Variants in CATSPERE observed in about 807,000 individuals in gnomAD.
CATSPERE encodes the protein cation channel sperm-associated auxiliary subunit epsilon.
A neutral mutation model predicts 114.1 loss-of-function variants in CATSPERE; 93 were observed. That is an observed-to-expected ratio of 0.81 (90% confidence interval 0.69 to 0.97). The LOEUF (loss-of-function observed/expected upper bound fraction) is 0.97. Among genes scored for constraint, CATSPERE ranks in the 50% least tolerant of loss-of-function variants. The pLI, the probability that CATSPERE is intolerant of heterozygous loss-of-function variation, is 0.00. For missense variants in CATSPERE, 1,058 were observed against 1,131.6 expected, an observed-to-expected ratio of 0.93 and a Z score of 0.93; for synonymous variants, 341 against 384.1, an observed-to-expected ratio of 0.89 and a Z score of 1.31.
At chr1:244,464,734 C>T (rs1268625742) in intron 2 of CATSPERE, among the ~76,000 whole-genome samples, 1 of 151,692 alleles carries the variant, frequency 6.6e-6, no homozygotes, top group Non-Finnish European at 1.5e-5. Flanking sequence ...TTGTTATTTT[C>T]AGTTTCTTTG....
intron 9 of CATSPERE, among the ~76,000 whole-genome samples, chr1:244,559,592 A>T (rs72773452): frequency 0.083 from 12,582 of 152,306 alleles, 629 homozygotes; most frequent in African/African-American, 0.14. Flanking sequence ...GTTTCTGAAT[A>T]CTAGCAGCCT....
chr1:244,574,385 A>G (rs539241107), intron 11 of CATSPERE, among the ~76,000 whole-genome samples: 2 of 152,346 alleles, frequency 1.3e-5, no homozygotes, highest in South Asian at 4.1e-4. Flanking sequence ...GCACAAAGTA[A>G]GGAGGCTTGA....
intron 6 of CATSPERE, among the ~76,000 whole-genome samples, chr1:244,497,794 C>T (rs1032214508): frequency 1.3e-5 from 2 of 152,072 alleles, no homozygotes; most frequent in African/African-American, 4.8e-5. Context: ...AAAACTCCAT[C>T]TCAAATAAAA....
intron 2 of CATSPERE, among the ~76,000 whole-genome samples, chr1:244,472,111 A>G (rs1373568166): frequency 6.6e-6 from 1 of 152,102 alleles, no homozygotes; most frequent in Non-Finnish European, 1.5e-5. Context: ...GGCATGCACC[A>G]CCACACCCAG....
intron 8 of CATSPERE, among the ~76,000 whole-genome samples, chr1:244,550,257 A>C (rs1044302836): frequency 2.6e-5 from 4 of 152,144 alleles, no homozygotes; most frequent in Non-Finnish European, 5.9e-5. Context: ...CTCATAATAA[A>C]TCTTTGTCTA....
chr1:244,472,557 T>C (rs1016895576), intron 2 of CATSPERE, among the ~76,000 whole-genome samples: 1 of 152,206 alleles, frequency 6.6e-6, no homozygotes, highest in African/African-American at 2.4e-5. Flanking sequence ...CCTCCCCAGT[T>C]TGCCCTATTA....
At chr1:244,563,796 C>T (rs969553219) in intron 10 of CATSPERE, among the ~76,000 whole-genome samples, 32 of 152,198 alleles carry the variant, frequency 2.1e-4, no homozygotes, top group African/African-American at 6.3e-4. Flanking sequence ...CTATTGTTGC[C>T]GTTGCTTTTG....
At chr1:244,619,692 A>G (rs1326012983) in intron 20 of CATSPERE, among the ~76,000 whole-genome samples, 1 of 152,222 alleles carries the variant, frequency 6.6e-6, no homozygotes, top group Non-Finnish European at 1.5e-5. Context: ...GGATGGGAGA[A>G]CACGTATTAT....
chr1:244,560,579 A>G (rs1662409032), intron 9 of CATSPERE, 89 bp from the exon 10 acceptor site: 1 of 754,146 alleles, frequency 1.3e-6, no homozygotes, highest in Non-Finnish European at 1.9e-6. Flanking sequence ...AAAAAAATAA[A>G]AAATAAAATT....
Position 244,607,456 on chromosome 1 carries a change from T to A in CATSPERE, c.2403+1662T>A, listed in dbSNP as rs745846782. ...AAACAATCACCATGGATTCCTGAAT[T>A]CTGCCATCCATCCTATGAGGGTATT... On this transcript the variant is annotated intron_variant, in intron 18 of 21. Coordinates refer to ENST00000366534, the MANE Select transcript of CATSPERE (RefSeq NM_001130957.2). This position sits in a 1 kb window ranked among gnomAD's most constrained non-coding sequence, Gnocchi z 4.4. Among the ~76,000 whole-genome samples the A allele has an allele frequency of 1.4e-4, 22 of 152,234 alleles. No individual in the cohort carries two copies. The highest frequency in any genetic ancestry group is 2.8e-4 in the Non-Finnish European group (19 of 68,040).
intron 21 of CATSPERE, among the ~76,000 whole-genome samples, chr1:244,637,621 C>T (rs145100648): frequency 5.1e-4 from 77 of 152,228 alleles, no homozygotes; most frequent in African/African-American, 1.8e-3. Context: ...TTTTACTTTG[C>T]ATTTCCTTAC....
intron 10 of CATSPERE, among the ~76,000 whole-genome samples, chr1:244,566,401 T>C (rs1663501729): frequency 6.6e-6 from 1 of 152,158 alleles, no homozygotes; most frequent in East Asian, 1.9e-4. Context: ...CTCTCGTCGA[T>C]CTGTCTGGTA....
At chr1:244,470,218 A>G (rs1294601439) in intron 2 of CATSPERE, among the ~76,000 whole-genome samples, 2 of 152,238 alleles carry the variant, frequency 1.3e-5, no homozygotes, top group Non-Finnish European at 2.9e-5. Context: ...TTGTGCTTCT[A>G]AGGACATCAT....
intron 15 of CATSPERE, among the ~76,000 whole-genome samples, 173 bp from the exon 16 acceptor site, chr1:244,593,222 G>C (rs1459630285): frequency 6.6e-6 from 1 of 152,208 alleles, no homozygotes; most frequent in East Asian, 1.9e-4. Flanking sequence ...CGCCTTAGTG[G>C]TTGTAAGAAC....
chr1:244,579,650 A>T (rs1335296423), intron 11 of CATSPERE, among the ~76,000 whole-genome samples: 1 of 152,234 alleles, frequency 6.6e-6, no homozygotes, highest in Non-Finnish European at 1.5e-5. Context: ...CCTTCAAACT[A>T]CTAGTTATTC....
At chr1:244,605,958 G>GA (rs1351101879) in intron 18 of CATSPERE, among the ~76,000 whole-genome samples, 164 bp downstream of exon 18, 2 of 152,090 alleles carry the variant, frequency 1.3e-5, no homozygotes, top group East Asian at 3.9e-4. Flanking sequence ...ATTCATTTAT[G>GA]AAAAATAGAA....
rs1572442993 is a variant in CATSPERE at position 244,504,135 on chromosome 1, C to T, written c.429+5056C>T. 6.6e-6 allele frequency among the ~76,000 whole-genome samples: 1 copy of T among 152,030 alleles called. No homozygotes were observed. The highest frequency in any genetic ancestry group is 2.4e-5 in the African/African-American group (1 of 41,388). ...GACAGTTAAATATTCCTCTGTTCAC[C>T]ATGTTTAACAAATAAAAGAGCACAC... On this transcript the variant is annotated intron_variant, in intron 7 of 21. Coordinates refer to ENST00000366534, the MANE Select transcript of CATSPERE (RefSeq NM_001130957.2). This position sits in a 1 kb window ranked among gnomAD's most constrained non-coding sequence, Gnocchi z 4.1.
chr1:244,552,698 C>A lies in CATSPERE; in HGVS notation c.913C>A (p.Leu305Ile). Residue 305 changes from leucine to isoleucine, a missense_variant, in exon 9 of 22, where the codon CTT becomes ATT. Around this residue, in one of 2 missense-constraint regions of CATSPERE, gnomAD observed 787 missense variants for 905.6 expected, o/e 0.87. Coordinates refer to ENST00000366534, the MANE Select transcript of CATSPERE (RefSeq NM_001130957.2). ...DGIVFLINGV[L>I]YIKSFRGFIR... ...AATCGTTTTTCTTATAAATGGTGTT[C>A]TTTACATAAAGAGTTTTCGTGGATT... 1 of 1,613,890 alleles carries A rather than the reference C, an allele frequency of 6.2e-7. No individual in the cohort carries two copies. Among genetic ancestry groups the A allele is most frequent in the East Asian group, 2.2e-5 (1 of 44,878 alleles).
chr1:244,523,209 C>T (rs1378534722), intron 8 of CATSPERE, among the ~76,000 whole-genome samples: 2 of 149,408 alleles, frequency 1.3e-5, no homozygotes, highest in Non-Finnish European at 2.9e-5. Context: ...TGTAATCCAG[C>T]ATATAAACAG....
Sources: gnomAD v4.1 joint callset for allele counts (sites outside exome capture counted in the v4.1 genomes callset) on GRCh38, gnomAD v4.1.1 for gene constraint, gnomAD v4.1.1 regional missense constraint, Gnocchi (gnomAD v3.1) non-coding constraint, MANE v1.5 for transcripts, NCBI Gene and HGNC (gene_info 2026-07-23, HGNC 2026-07-21) for gene names.